CYP4X1: variants seen among roughly 807,000 people sequenced by gnomAD.
The protein encoded by CYP4X1 is cytochrome P450 family 4 subfamily X member 1.
A neutral mutation model predicts 57.9 loss-of-function variants in CYP4X1; 44 were observed. That is an observed-to-expected ratio of 0.76 (90% CI 0.60 to 0.98). The LOEUF is 0.98. Among genes scored for constraint, CYP4X1 ranks in the 50% least tolerant of loss-of-function variants. The pLI is 0.00. For missense variants in CYP4X1, 532 were observed against 623.9 expected (o/e 0.85, Z 1.57); for synonymous variants, 227 against 228.6 (o/e 0.99, Z 0.06).
intron 1 of CYP4X1, among the ~76,000 whole-genome samples, chr1:47,029,219 C>T (rs1644101253): frequency 6.6e-6 from 1 of 151,970 alleles, no homozygotes; most frequent in Non-Finnish European, 1.5e-5. Flanking sequence ...AAAACACACA[C>T]ATGCAGGTGC....
At chr1:46,976,362 G>A in the CYP4X1 span, among the ~76,000 whole-genome samples, 1 of 152,170 alleles carries the variant, frequency 6.6e-6, no homozygotes, top group Admixed American at 6.5e-5. Flanking sequence ...AGCAGTCCGA[G>A]ATTGAAGTGC....
the CYP4X1 span, among the ~76,000 whole-genome samples, chr1:47,005,555 A>G: frequency 6.6e-6 from 1 of 152,248 alleles, no homozygotes; most frequent in Non-Finnish European, 1.5e-5. Flanking sequence ...GTGTGTATAC[A>G]AGTCTAGATG....
At chr1:46,976,879 G>A in the CYP4X1 span, among the ~76,000 whole-genome samples, 2 of 152,204 alleles carry the variant, frequency 1.3e-5, no homozygotes, top group South Asian at 2.1e-4. Context: ...GCAGCTGAGG[G>A]ACCTGACTGT....
Position 47,033,251 on chromosome 1 carries a change from A to G in CYP4X1, c.375A>G (p.Leu125=). The G allele has an allele frequency of 6.2e-7, 1 of 1,612,846 alleles. No individual in the cohort carries two copies. Among genetic ancestry groups the G allele is most frequent in the Non-Finnish European group, 8.5e-7 (1 of 1,179,580 alleles). ...KFSPPLLGKG[L]AALDGPKWFQ... is the part of the protein sequence containing the mutation. ...CTTTTATTTCTCAAGGAAAAGGACT[A>G]GCGGCTCTAGACGGACCCAAGTGGT... Residue 125 remains leucine (L), a synonymous_variant, in exon 4 of 12, where the codon CTA becomes CTG. Transcript: ENST00000371901.
At chr1:46,968,500 G>A in the CYP4X1 span, among the ~76,000 whole-genome samples, 2 of 152,170 alleles carry the variant, frequency 1.3e-5, no homozygotes, top group Non-Finnish European at 2.9e-5. Flanking sequence ...AGATGGCTGA[G>A]AACATTCTCC....
the CYP4X1 span, among the ~76,000 whole-genome samples, chr1:47,010,909 G>A: frequency 6.6e-6 from 1 of 152,138 alleles, no homozygotes; most frequent in African/African-American, 2.4e-5. Context: ...AATAAAAGAG[G>A]ATACAAACAA....
the CYP4X1 span, among the ~76,000 whole-genome samples, chr1:46,995,422 G>A: frequency 4.6e-5 from 7 of 152,052 alleles, no homozygotes; most frequent in East Asian, 3.9e-4. Context: ...GGAGTTAACC[G>A]GGTAGAGAGT....
intron 8 of CYP4X1, among the ~76,000 whole-genome samples, chr1:47,043,301 G>A (rs1349326290): frequency 6.6e-6 from 1 of 151,964 alleles, no homozygotes; most frequent in Non-Finnish European, 1.5e-5. Flanking sequence ...TTTTTGATGG[G>A]ATTATTTGTT....
chr1:46,963,082 T>G, the CYP4X1 span, among the ~76,000 whole-genome samples: 1 of 152,056 alleles, frequency 6.6e-6, no homozygotes, highest in South Asian at 2.1e-4. Context: ...AACCCCTGCC[T>G]TTTTTTTGTT....
chr1:46,988,472 C>T, the CYP4X1 span, among the ~76,000 whole-genome samples: 2 of 152,092 alleles, frequency 1.3e-5, no homozygotes, highest in Non-Finnish European at 2.9e-5. Flanking sequence ...AGGAATGGTA[C>T]CATTCCTTCT....
chr1:46,962,109 T>C, the CYP4X1 span, among the ~76,000 whole-genome samples: 1 of 152,072 alleles, frequency 6.6e-6, no homozygotes, highest in Non-Finnish European at 1.5e-5. Context: ...CTTTTTTCTG[T>C]CTTTCTTTCT....
At chr1:47,024,077 A>G in intron 1 of CYP4X1, 83 bp downstream of exon 1, 3 of 1,484,926 alleles carry the variant, frequency 2.0e-6, no homozygotes, top group Non-Finnish European at 2.7e-6. Flanking sequence ...AGAGAGACGC[A>G]GCTTTCTTCC....
At chr1:47,014,376 G>C in the CYP4X1 span, among the ~76,000 whole-genome samples, 1 of 152,020 alleles carries the variant, frequency 6.6e-6, no homozygotes, top group South Asian at 2.1e-4. Context: ...GTGAGGTTGG[G>C]GTAGGAAATA....
the CYP4X1 span, among the ~76,000 whole-genome samples, chr1:46,965,986 A>G: frequency 6.6e-6 from 1 of 152,148 alleles, no homozygotes; most frequent in East Asian, 1.9e-4. Flanking sequence ...TCTGACCACA[A>G]TCTGGCAAGG....
At chr1:46,973,085 T>C in the CYP4X1 span, among the ~76,000 whole-genome samples, 1 of 152,162 alleles carries the variant, frequency 6.6e-6, no homozygotes, top group Non-Finnish European at 1.5e-5. Context: ...TATATAGCTC[T>C]TATTTTTTTA....
At chr1:47,001,636 C>T in the CYP4X1 span, among the ~76,000 whole-genome samples, 4,903 of 152,272 alleles carry the variant, frequency 0.032, 128 homozygotes, top group East Asian at 0.12. Context: ...CCTTACGCCT[C>T]GGTCCAATAG....
chr1:46,986,277 A>G, the CYP4X1 span, among the ~76,000 whole-genome samples: 3 of 152,222 alleles, frequency 2.0e-5, no homozygotes, highest in Admixed American at 6.5e-5. Context: ...TCAGAGACTG[A>G]AGATCAATCT....
At position 47,050,317 on chromosome 1, in the gene CYP4X1, T is replaced by A; in HGVS notation, c.*143T>A. The A allele has an allele frequency of 1.2e-6, 1 of 803,300 alleles. No homozygotes were observed. 49.8% of individuals were successfully genotyped at this position (803,300 alleles called of 1,614,324 possible). A position where few individuals can be genotyped will look rare whatever the true frequency, so the allele number is the denominator to read the frequency against. On this transcript the variant is annotated 3_prime_UTR_variant, in exon 12 of 12. Coordinates refer to ENST00000371901, the MANE Select transcript of CYP4X1 (RefSeq NM_178033.2). ...GGGGTCTCTGTGAAGAGATCCAAAA[T>A]CATTTCTAGGTACACAGTGTGTCAG...
chr1:46,983,716 C>G, the CYP4X1 span, among the ~76,000 whole-genome samples: 1 of 152,158 alleles, frequency 6.6e-6, no homozygotes, highest in African/African-American at 2.4e-5. Context: ...CTTGCTTCCT[C>G]CCAGCCTGAG....
Sources: gnomAD v4.1 joint callset for allele counts (sites outside exome capture counted in the v4.1 genomes callset) on GRCh38, gnomAD v4.1.1 for gene constraint, MANE v1.5 for transcripts, NCBI Gene and HGNC (gene_info 2026-07-23, HGNC 2026-07-21) for gene names.